Variants in LRP4 observed in about 807,000 individuals in gnomAD.
The protein encoded by LRP4 is LDL receptor related protein 4.
LRP4 carries 95 observed loss-of-function variants against 220.3 expected under a neutral mutation model. That is an observed-to-expected ratio of 0.43 (90% CI 0.37 to 0.51). The LOEUF is 0.51. Among genes scored for constraint, LRP4 ranks in the 20% least tolerant of loss-of-function variants. The probability of loss-of-function intolerance (pLI) is 0.00; values close to 1 mark genes in which losing one functional copy is unlikely to be tolerated. For synonymous variants in LRP4, 903 were observed against 954.6 expected (o/e 0.95, Z 1.00); for missense variants, 1,925 against 2,567.0 (o/e 0.75, Z 5.40).
At chr11:46,884,816 C>A (rs988204565) in intron 18 of LRP4, among the ~76,000 whole-genome samples, 4 of 150,508 alleles carry the variant, frequency 2.7e-5, no homozygotes, top group African/African-American at 9.8e-5. Flanking sequence ...GAGGCTGAGG[C>A]AGAAGAATCC....
At chr11:46,876,370 G>T in intron 25 of LRP4, 96 bp downstream of exon 25, 1 of 1,452,166 alleles carries the variant, frequency 6.9e-7, no homozygotes, top group Non-Finnish European at 9.7e-7. Flanking sequence ...TTGTTTCTGT[G>T]ATGCAAGCTT....
intron 37 of LRP4, among the ~76,000 whole-genome samples, chr11:46,862,177 G>C (rs1940574952): frequency 6.6e-6 from 1 of 152,026 alleles, no homozygotes; most frequent in South Asian, 2.1e-4. Context: ...CCCAACCATA[G>C]GTGCTACTAG....
chr11:46,881,074 A>ACC (rs1941146033), intron 20 of LRP4, among the ~76,000 whole-genome samples: 1 of 142,934 alleles, frequency 7.0e-6, no homozygotes, highest in Non-Finnish European at 1.5e-5. Flanking sequence ...AAAAAAAAAA[A>ACC]AAAAAAAAAA....
intron 1 of LRP4, among the ~76,000 whole-genome samples, chr11:46,905,349 A>G (rs1042981377): frequency 6.6e-6 from 1 of 152,082 alleles, no homozygotes; most frequent in African/African-American, 2.4e-5. Context: ...GTTTAATTCC[A>G]CTCCATGTGA....
chr11:46,890,256 A>G lies in LRP4; in HGVS notation c.1915+21T>C. On this transcript the variant is annotated intron_variant, in intron 14 of 37. Coordinates refer to ENST00000378623, the MANE Select transcript of LRP4 (RefSeq NM_002334.4). The surrounding 1 kb of genome is among the most constrained non-coding windows in gnomAD (Gnocchi z 5.3). ...GGGGCAGGAGGACAAGAGATGAAGG[A>G]GACTGAAGGAAGGGGCTCACCCTGG... 1 of 1,612,986 alleles carries G rather than the reference A, an allele frequency of 6.2e-7. No individual in the cohort carries two copies. The highest frequency in any genetic ancestry group is 8.5e-7 in the Non-Finnish European group (1 of 1,179,080).
At position 46,910,680 on chromosome 11, in the gene LRP4, C is replaced by CTTTTTTTT. The variant is rs56889464; in HGVS notation, c.52+7640_52+7647dup. Among the ~76,000 whole-genome samples the CTTTTTTTT allele has an allele frequency of 5.6e-4, 69 of 123,804 alleles. 8 individuals carry two copies. Among genetic ancestry groups the CTTTTTTTT allele is most frequent in the African/African-American group, 8.5e-4 (28 of 32,804 alleles). 81.2% of individuals were successfully genotyped at this position (123,804 alleles called of 152,430 possible). The stretch of plus-strand genomic sequence containing the variant: ...ACATGGTATCCTTTATCCTTGCCCC[C>CTTTTTTTT]TTTTTTTTTTTGAGGTGGAGTCTTG... On this transcript the variant is annotated intron_variant, in intron 1 of 37. Coordinates refer to ENST00000378623, the MANE Select transcript of LRP4 (RefSeq NM_002334.4).
At position 46,868,978 on chromosome 11, in the gene LRP4, G is replaced by A. The variant is rs74806847; in HGVS notation, c.4837+10C>T. 7,428 of 1,614,064 alleles carry A rather than the reference G, an allele frequency of 4.6e-3. 309 individuals carry two copies. In the African/African-American group the frequency reaches 0.088, roughly 19 times the overall value. ...TGTTAAGGAAGCAGGCTCAGTACCC[G>A]GGAGCCCACCTGTCTGCCGCTGAGG... On this transcript the variant is annotated intron_variant, in intron 32 of 37. Transcript: ENST00000378623.
At position 46,858,539 on chromosome 11, in the gene LRP4, A is replaced by T. The variant is rs184394025; in HGVS notation, c.*444T>A. ...ATCCTTCATCCCTGTCTTTACCCAC[A>T]CCCCCATGTCCCAGCCCCTGATGGG... is the stretch of plus-strand genomic sequence containing the variant. On this transcript the variant is annotated 3_prime_UTR_variant, in exon 38 of 38. Coordinates refer to ENST00000378623, the MANE Select transcript of LRP4 (RefSeq NM_002334.4). 3.8e-6 allele frequency: 1 copy of T among 265,882 alleles called. No individual in the cohort carries two copies. Among genetic ancestry groups the T allele is most frequent in the Admixed American group, 4.5e-5 (1 of 22,084 alleles). The allele number at this position is 265,882 out of a possible 1,614,324, so 16.5% of individuals were successfully genotyped here. A position where few individuals can be genotyped will look rare whatever the true frequency, so the allele number is the denominator to read the frequency against.
intron 30 of LRP4, 65 bp from the exon 31 acceptor site, chr11:46,871,698 A>T: frequency 9.1e-7 from 1 of 1,096,842 alleles, no homozygotes; most frequent in Non-Finnish European, 1.4e-6. Flanking sequence ...TCTTCCCCCT[A>T]TGAACCTGTT....
intron 19 of LRP4, among the ~76,000 whole-genome samples, chr11:46,882,506 T>C (rs567537864): frequency 2.0e-5 from 3 of 150,264 alleles, no homozygotes; most frequent in Non-Finnish European, 4.4e-5. Flanking sequence ...AAAAGAGAAA[T>C]GTTTCTTGAC....
rs567724345 is a variant in LRP4 at position 46,883,756 on chromosome 11, C to T, written c.2612+115G>A. 8 of 797,514 alleles carry T rather than the reference C, an allele frequency of 1.0e-5. No individual in the cohort carries two copies. In the African/African-American group the frequency reaches 1.2e-4, roughly 12 times the overall value. The allele number at this position is 797,514 out of a possible 1,614,324, so 49.4% of individuals were successfully genotyped here. ...CCTCTGGTTTCTACAGCTGCTCTTGCTTCCTTGGGCATATCCATAAGATCT... is the reference window on the plus strand; with the variant it reads ...CCTCTGGTTTCTACAGCTGCTCTTGTTTCCTTGGGCATATCCATAAGATCT... On this transcript the variant is annotated intron_variant, in intron 19 of 37. Transcript: ENST00000378623.
At chr11:46,896,462 C>A in intron 8 of LRP4, 127 bp from the exon 9 acceptor site, 3 of 1,159,848 alleles carry the variant, frequency 2.6e-6, no homozygotes, top group Middle Eastern at 2.0e-4. Flanking sequence ...GGGTCCTGGG[C>A]AGGAAGCAGC....
chr11:46,898,660 G>C lies in LRP4; in HGVS notation c.694C>G (p.Arg232Gly), dbSNP rs770467186. Residue 232 changes from arginine (R) to glycine (G), a missense_variant, in exon 7 of 38, where the codon CGC becomes GGC. Arg to Gly is a moderately radical substitution (Grantham distance 125). Transcript: ENST00000378623. Reference sequence around the variant, plus strand: ...CTGTCACACATGAACTCCCCAGAGCGGCAGGGCTGGTGGGAGGCTAGGGAA... The same window carrying C: ...CTGTCACACATGAACTCCCCAGAGCCGCAGGGCTGGTGGGAGGCTAGGGAA... The part of the protein sequence containing the change: ...ESDCSSHQPC[R>G]SGEFMCDSGL... 8 of 1,614,006 alleles carry C rather than the reference G, an allele frequency of 5.0e-6. No homozygotes were observed. In the South Asian group the frequency reaches 8.8e-5, roughly 18 times the overall value.
At chr11:46,868,846 GGGAGTAAAAA>G in intron 32 of LRP4, 132 bp downstream of exon 32, 1 of 1,294,784 alleles carries the variant, frequency 7.7e-7, no homozygotes. Flanking sequence ...ACAACCGCGA[GGGAGTAAAAA>G]GTTCTAAGCG....
intron 35 of LRP4, among the ~76,000 whole-genome samples, chr11:46,864,795 G>A (rs555271817): frequency 1.3e-5 from 2 of 152,294 alleles, no homozygotes; most frequent in South Asian, 2.1e-4. Context: ...TGCTTAACTT[G>A]TAAGCCTACA....
chr11:46,890,020 C>T lies in LRP4; in HGVS notation c.2016G>A (p.Lys672=), dbSNP rs1941385777. 4 of 1,613,992 alleles carry T rather than the reference C, an allele frequency of 2.5e-6. No individual in the cohort carries two copies. Among genetic ancestry groups the T allele is most frequent in the African/African-American group, 2.7e-5 (2 of 74,892 alleles). Residue 672 remains lysine (K), a synonymous_variant, in exon 15 of 38, where the codon AAG becomes AAA. Transcript: ENST00000378623. This position sits in a 1 kb window ranked among gnomAD's most constrained non-coding sequence, Gnocchi z 5.3. ...SINSANKFTG[K]NQEIIRNKLH... ...GTTTGTTGCGAATGATTTCCTGGTT[C>T]TTCCCCGTAAATTTGTTAGCGCTAT...
Position 46,867,989 on chromosome 11 carries a change from C to T in LRP4, c.5077G>A (p.Val1693Met). The T allele has an allele frequency of 6.2e-7, 1 of 1,614,196 alleles. No homozygotes were observed. Among genetic ancestry groups the T allele is most frequent in the Non-Finnish European group, 8.5e-7 (1 of 1,180,040 alleles). ...ATTGAACCTATTTACCTTCCTTCCA[C>T]CTCCTCCAGAGACGTGCGGGTCCGG... ...TTRTRTSLEEVEGRCSERDAR... is the reference protein window; with the variant it reads ...TTRTRTSLEEMEGRCSERDAR... The change falls in exon 34 of 38, where the codon GTG (valine) becomes ATG (methionine). Residue 1693 changes from valine to methionine, a missense_variant. Physicochemically the swap from Val to Met is conservative, Grantham distance 21 (BLOSUM62 1). This residue lies in a region of LRP4 where 1,244 missense variants were observed against 1,624.9 expected (regional missense o/e 0.77). Coordinates refer to ENST00000378623, the MANE Select transcript of LRP4 (RefSeq NM_002334.4).
intron 23 of LRP4, 119 bp downstream of exon 23, chr11:46,877,080 G>A: frequency 2.5e-6 from 3 of 1,195,168 alleles, no homozygotes; most frequent in Non-Finnish European, 2.5e-6. Flanking sequence ...CTATGCCAGA[G>A]GGAATGGGGA....
chr11:46,875,952 G>C lies in LRP4; in HGVS notation c.3551C>G (p.Thr1184Arg). 2.5e-6 allele frequency: 4 copies of C among 1,614,122 alleles called. No individual in the cohort carries two copies. The highest frequency in any genetic ancestry group is 3.4e-6 in the Non-Finnish European group (4 of 1,180,006). The change falls in exon 26 of 38, where the codon ACA (threonine) becomes AGA (arginine). Residue 1184 changes from threonine to arginine, a missense_variant. Physicochemically the swap from Thr to Arg is moderately conservative, Grantham distance 71 (BLOSUM62 -1). Coordinates refer to ENST00000378623, the MANE Select transcript of LRP4 (RefSeq NM_002334.4). The surrounding 1 kb of genome is among the most constrained non-coding windows in gnomAD (Gnocchi z 4.5). ...LYHEMGFMYW[T>R]DWGENAKLER... ...TAACTTGGCATTCTCCCCCCAGTCT[G>C]TCCAGTACATAAACCTGAGTGAGGA... is the stretch of plus-strand genomic sequence containing the variant.
Sources: gnomAD v4.1 joint callset for allele counts (sites outside exome capture counted in the v4.1 genomes callset) on GRCh38, gnomAD v4.1.1 for gene constraint, gnomAD v4.1.1 regional missense constraint, Gnocchi (gnomAD v3.1) non-coding constraint, MANE v1.5 for transcripts, NCBI Gene and HGNC (gene_info 2026-07-23, HGNC 2026-07-21) for gene names.